Variants in HMCN1 observed in about 807,000 individuals in gnomAD.
HMCN1 encodes hemicentin-1.
HMCN1 carries 321 observed loss-of-function variants against 625.9 expected under a neutral mutation model. That is an observed-to-expected ratio of 0.51 (90% CI 0.47 to 0.56). The LOEUF is 0.56. Among genes scored for constraint, HMCN1 ranks in the 20% least tolerant of loss-of-function variants. HMCN1 has a pLI of 0.00. For synonymous variants in HMCN1, 2,425 were observed against 2,417.6 expected, an observed-to-expected ratio of 1.00 and a Z score of -0.09; for missense variants, 6,588 against 6,887.3, an observed-to-expected ratio of 0.96 and a Z score of 1.54.
intron 11 of HMCN1, among the ~76,000 whole-genome samples, chr1:185,944,915 G>A (rs1172622764): frequency 6.6e-6 from 1 of 152,108 alleles, no homozygotes; most frequent in African/African-American, 2.4e-5. Flanking sequence ...GTCCGAATGT[G>A]TACTAAAAAA....
intron 4 of HMCN1, among the ~76,000 whole-genome samples, chr1:185,884,604 C>G (rs1439566336): frequency 1.3e-5 from 2 of 151,896 alleles, no homozygotes; most frequent in Non-Finnish European, 2.9e-5. Flanking sequence ...TATATTTTGC[C>G]TAATGGCTTT....
chr1:186,040,158 A>T (rs964305185), intron 39 of HMCN1, among the ~76,000 whole-genome samples: 2 of 152,038 alleles, frequency 1.3e-5, no homozygotes, highest in African/African-American at 4.8e-5. Flanking sequence ...GCCCCACTCC[A>T]CTTTCTGCTG....
chr1:185,741,152 C>T (rs1653969700), intron 1 of HMCN1, among the ~76,000 whole-genome samples: 1 of 152,166 alleles, frequency 6.6e-6, no homozygotes. Flanking sequence ...GAGGCCCTCA[C>T]CAGATGCAGC....
intron 4 of HMCN1, among the ~76,000 whole-genome samples, chr1:185,894,615 A>G (rs547798707): frequency 4.6e-5 from 7 of 152,338 alleles, no homozygotes; most frequent in Admixed American, 2.6e-4. Flanking sequence ...TCACCCATGT[A>G]TAAGAATCCT....
chr1:185,743,982 GTT>G lies in HMCN1; in HGVS notation c.268+8958_268+8959del, dbSNP rs1214723950. Among the ~76,000 whole-genome samples the G allele has an allele frequency of 6.2e-3, 548 of 88,142 alleles. 1 individual carries two copies. The highest frequency in any genetic ancestry group is 0.022 in the Middle Eastern group (2 of 90). 57.8% of individuals were successfully genotyped at this position (88,142 alleles called of 152,430 possible). On this transcript the variant is annotated intron_variant, in intron 1 of 106. Transcript: ENST00000271588. ...TTCTACTTGATGACTTTACTGTTTT[GTT>G]TTTTTTTTTTTTTTTTTTTTTTGAG...
intron 4 of HMCN1, among the ~76,000 whole-genome samples, chr1:185,901,854 G>A (rs1665824785): frequency 6.6e-6 from 1 of 151,756 alleles, no homozygotes; most frequent in Non-Finnish European, 1.5e-5. Context: ...TCTTTGAAAT[G>A]AGGTCTATAT....
chr1:186,117,199 C>G, intron 76 of HMCN1, 84 bp downstream of exon 76: 2 of 1,257,182 alleles, frequency 1.6e-6, no homozygotes, highest in Non-Finnish European at 2.2e-6. Flanking sequence ...GATCCCTTTT[C>G]TTTTTTTTTT....
chr1:185,931,089 A>G, intron 10 of HMCN1, among the ~76,000 whole-genome samples: 1 of 152,124 alleles, frequency 6.6e-6, no homozygotes, highest in East Asian at 1.9e-4. Flanking sequence ...CCACCTTATC[A>G]TTTGATAGCT....
intron 51 of HMCN1, 39 bp downstream of exon 51, chr1:186,069,815 A>T: frequency 1.5e-6 from 2 of 1,364,934 alleles, no homozygotes; most frequent in South Asian, 1.2e-5. Flanking sequence ...TAGCTTCCCC[A>T]ATTTTTCTAA....
At chr1:185,816,904 G>A (rs1227026777) in intron 1 of HMCN1, among the ~76,000 whole-genome samples, 2 of 152,194 alleles carry the variant, frequency 1.3e-5, no homozygotes, top group East Asian at 1.9e-4. Context: ...CTTCTTTTTG[G>A]TCTATTGCTT....
At chr1:185,771,455 G>A (rs928744473) in intron 1 of HMCN1, among the ~76,000 whole-genome samples, 8 of 152,220 alleles carry the variant, frequency 5.3e-5, no homozygotes, top group Admixed American at 1.3e-4. Flanking sequence ...CATGCAGAGA[G>A]TTGGAAATTA....
Position 186,119,836 on chromosome 1 carries a change from TC to T in HMCN1, c.12050del (p.Pro4017LeufsTer57), listed in dbSNP as rs1661314000. The T allele has an allele frequency of 6.2e-7, 1 of 1,614,014 alleles. No individual in the cohort carries two copies. The highest frequency in any genetic ancestry group is 8.5e-7 in the Non-Finnish European group (1 of 1,179,992). On this transcript the variant is annotated frameshift_variant, in exon 79 of 107. Transcript: ENST00000271588. LOFTEE classifies it high-confidence loss of function. Reference protein sequence around the residue: ...LPCEATGTPSPFITWQKEGIN... With the variant: ...LPCEATGTPSXFITWQKEGIN... ...CATGTGAAGCAACAGGGACACCCAG[TC>T]CTTTCATTACTTGGCAAAAAGAAGG...
intron 1 of HMCN1, among the ~76,000 whole-genome samples, chr1:185,752,745 G>A (rs926651651): frequency 2.6e-5 from 4 of 152,114 alleles, no homozygotes; most frequent in African/African-American, 9.7e-5. Flanking sequence ...TGATTTCTCA[G>A]AAGATCTTTA....
rs1403942042 is a variant in HMCN1 at position 186,145,917 on chromosome 1, T to C, written c.14602T>C (p.Cys4868Arg). 2.5e-6 allele frequency: 4 copies of C among 1,613,800 alleles called. No homozygotes were observed. The highest frequency in any genetic ancestry group is 3.4e-6 in the Non-Finnish European group (4 of 1,179,964). ...TQVTRCNVQA[C>R]PGGPQRARGS... ...GGTGACCAGGTGCAATGTACAAGCA[T>C]GTCCAGGTAAGCAACTAAATTGGAC... Residue 4868 changes from cysteine (C) to arginine (R), a missense_variant, in exon 93 of 107, where the codon TGT (cysteine) becomes CGT (arginine). Cys to Arg is a radical substitution (Grantham distance 180). Around this residue, in one of 3 missense-constraint regions of HMCN1, gnomAD observed 1,954 missense variants for 2,013.1 expected, o/e 0.97. Coordinates refer to ENST00000271588, the MANE Select transcript of HMCN1 (RefSeq NM_031935.3).
intron 1 of HMCN1, among the ~76,000 whole-genome samples, chr1:185,791,143 T>C (rs1235901185): frequency 1.3e-5 from 2 of 152,160 alleles, no homozygotes; most frequent in African/African-American, 4.8e-5. Context: ...GCTCCCTTAC[T>C]ACCTACATTT....
At chr1:185,941,355 C>T (rs1668071337) in intron 11 of HMCN1, among the ~76,000 whole-genome samples, 1 of 152,118 alleles carries the variant, frequency 6.6e-6, no homozygotes, top group African/African-American at 2.4e-5. Flanking sequence ...CTATATGGTA[C>T]TTAACAAGCA....
chr1:185,851,812 C>T (rs938724670), intron 2 of HMCN1, among the ~76,000 whole-genome samples: 7 of 151,910 alleles, frequency 4.6e-5, no homozygotes, highest in African/African-American at 1.4e-4. Flanking sequence ...CACACCCCCC[C>T]CAACACACAG....
At chr1:185,777,671 C>T (rs1453660336) in intron 1 of HMCN1, among the ~76,000 whole-genome samples, 2 of 152,088 alleles carry the variant, frequency 1.3e-5, no homozygotes, top group African/African-American at 2.4e-5. Flanking sequence ...AGGATGGTCT[C>T]GATCTCTCGA....
chr1:186,047,561 G>T (rs1449596299), intron 41 of HMCN1, among the ~76,000 whole-genome samples: 2 of 152,032 alleles, frequency 1.3e-5, no homozygotes, highest in Non-Finnish European at 1.5e-5. Flanking sequence ...TTACCATTTT[G>T]TTTTGCCTGG....
Sources: gnomAD v4.1 joint callset for allele counts (sites outside exome capture counted in the v4.1 genomes callset) on GRCh38, gnomAD v4.1.1 for gene constraint, gnomAD v4.1.1 regional missense constraint, MANE v1.5 for transcripts, NCBI Gene and HGNC (gene_info 2026-07-23, HGNC 2026-07-21) for gene names.